The following KIF26B variants were observed in gnomAD, a reference collection of about 807,000 sequenced individuals.
KIF26B encodes kinesin family member 26B.
Under a neutral mutation model 151.2 loss-of-function variants are expected in KIF26B, and 63 were observed. That is an observed-to-expected ratio of 0.42 (90% CI 0.34 to 0.51). KIF26B has a LOEUF of 0.51. Among genes scored for constraint, KIF26B ranks in the 20% least tolerant of loss-of-function variants. The probability of loss-of-function intolerance (pLI) is 0.07; values close to 1 mark genes in which losing one functional copy is unlikely to be tolerated. For missense variants in KIF26B, 2,813 were observed against 2,913.6 expected, an observed-to-expected ratio of 0.97 and a Z score of 0.79; for synonymous variants, 1,357 against 1,262.1, an observed-to-expected ratio of 1.08 and a Z score of -1.59.
At chr1:245,428,227 G>C (rs1658694334) in intron 4 of KIF26B, among the ~76,000 whole-genome samples, 1 of 152,108 alleles carries the variant, frequency 6.6e-6, no homozygotes, top group African/African-American at 2.4e-5. Flanking sequence ...TTGATTTCTT[G>C]GAAAAGAAGG....
chr1:245,611,747 A>G (rs2043523743), intron 8 of KIF26B, 46 bp from the exon 9 acceptor site: 7 of 1,580,440 alleles, frequency 4.4e-6, no homozygotes, highest in African/African-American at 1.3e-5. Flanking sequence ...AGTGACAGCA[A>G]GCCCTCCTCA....
chr1:245,553,153 C>T (rs940697715), intron 5 of KIF26B, among the ~76,000 whole-genome samples: 1 of 152,240 alleles, frequency 6.6e-6, no homozygotes, highest in African/African-American at 2.4e-5. Flanking sequence ...ATCCTCATGA[C>T]ACCCCTGTGG....
chr1:245,401,100 A>T (rs1217046938), intron 3 of KIF26B, among the ~76,000 whole-genome samples: 1 of 152,214 alleles, frequency 6.6e-6, no homozygotes, highest in Non-Finnish European at 1.5e-5. Context: ...TAATTTTAAA[A>T]ATTCTAAGAA....
chr1:245,414,552 C>G (rs921466249), intron 3 of KIF26B, among the ~76,000 whole-genome samples: 2 of 152,184 alleles, frequency 1.3e-5, no homozygotes, highest in East Asian at 3.9e-4. Context: ...TTCAGCTCCT[C>G]CTCCTCCCCA....
At chr1:245,637,709 T>C (rs2043850412) in intron 9 of KIF26B, among the ~76,000 whole-genome samples, 1 of 152,100 alleles carries the variant, frequency 6.6e-6, no homozygotes, top group Admixed American at 6.6e-5. Context: ...AGTTTCATTC[T>C]TCTGCATATG....
At chr1:245,620,235 C>T (rs80162100) in intron 9 of KIF26B, among the ~76,000 whole-genome samples, 2,008 of 152,198 alleles carry the variant, frequency 0.013, 53 homozygotes, top group African/African-American at 0.046. Context: ...TTGACTTCCA[C>T]GAACCACATT....
At chr1:245,321,630 C>T (rs1229364702) in intron 2 of KIF26B, among the ~76,000 whole-genome samples, 1 of 152,100 alleles carries the variant, frequency 6.6e-6, no homozygotes, top group African/African-American at 2.4e-5. Context: ...TGGAGAACAC[C>T]GAAGCTTCGA....
intron 12 of KIF26B, among the ~76,000 whole-genome samples, chr1:245,691,370 A>T (rs1316523234): frequency 6.6e-6 from 1 of 152,178 alleles, no homozygotes; most frequent in East Asian, 1.9e-4. Context: ...GTGTAAAATT[A>T]AAATGCCAGG....
chr1:245,512,326 C>T lies in KIF26B; in HGVS notation c.1167-28441C>T, dbSNP rs1171693652. Reference sequence around the variant, plus strand: ...TCCTTCTCTCTGAGTCTTGGAACATCATGAAAGACTCTTCTGCAGATTTCC... The same window carrying T: ...TCCTTCTCTCTGAGTCTTGGAACATTATGAAAGACTCTTCTGCAGATTTCC... On this transcript the variant is annotated intron_variant, in intron 4 of 14. Coordinates refer to ENST00000407071, the MANE Select transcript of KIF26B (RefSeq NM_018012.4). This position sits in a 1 kb window ranked among gnomAD's most constrained non-coding sequence, Gnocchi z 4.3. Among the ~76,000 whole-genome samples, 1 of 152,190 alleles carries T rather than the reference C, an allele frequency of 6.6e-6. No homozygotes were observed. The highest frequency in any genetic ancestry group is 1.5e-5 in the Non-Finnish European group (1 of 68,036).
chr1:245,448,703 T>C (rs1026122024), intron 4 of KIF26B, among the ~76,000 whole-genome samples: 5 of 152,244 alleles, frequency 3.3e-5, no homozygotes, highest in African/African-American at 1.2e-4. Context: ...TCTTAACTCC[T>C]CTCAGTTTGG....
rs1375893033 is a variant in KIF26B, at chr1:245,602,110, A to G, written c.1351-467A>G. Among the ~76,000 whole-genome samples, 4 of 148,080 alleles carry G rather than the reference A, an allele frequency of 2.7e-5. No individual in the cohort carries two copies. Among genetic ancestry groups the G allele is most frequent in the African/African-American group, 1.0e-4 (4 of 40,062 alleles). On this transcript the variant is annotated intron_variant, in intron 5 of 14. Coordinates refer to ENST00000407071, the MANE Select transcript of KIF26B (RefSeq NM_018012.4). The surrounding 1 kb of genome is among the most constrained non-coding windows in gnomAD (Gnocchi z 4.5). ...CATTTCACGGTTCTTTAATGATGAC[A>G]CTAATAACTGTGGATTTTTGTCTCC...
chr1:245,390,948 AAAAAC>A (rs56220016), intron 3 of KIF26B, among the ~76,000 whole-genome samples: 6,212 of 126,846 alleles, frequency 0.049, 755 homozygotes, highest in Non-Finnish European at 0.075. Context: ...AAAAAAAAAA[AAAAAC>A]CACCATAAAA....
At chr1:245,195,627 C>T (rs767532694) in intron 2 of KIF26B, among the ~76,000 whole-genome samples, 13 of 152,294 alleles carry the variant, frequency 8.5e-5, no homozygotes, top group South Asian at 2.1e-4. Flanking sequence ...CCTGGGGCTC[C>T]GCTTCAGGGC....
intron 3 of KIF26B, among the ~76,000 whole-genome samples, chr1:245,404,520 T>C (rs1366886055): frequency 6.6e-6 from 1 of 152,162 alleles, no homozygotes; most frequent in Non-Finnish European, 1.5e-5. Context: ...GTATTGACTT[T>C]GCCTGACCCA....
At chr1:245,246,550 A>G (rs1242395263) in intron 2 of KIF26B, among the ~76,000 whole-genome samples, 1 of 152,152 alleles carries the variant, frequency 6.6e-6, no homozygotes, top group Non-Finnish European at 1.5e-5. Flanking sequence ...CAAATCAGCA[A>G]TGAAAGCGTT....
At chr1:245,662,853 G>A (rs974695931) in intron 10 of KIF26B, among the ~76,000 whole-genome samples, 1 of 150,304 alleles carries the variant, frequency 6.7e-6, no homozygotes, top group Non-Finnish European at 1.5e-5. Context: ...TGGCTTCAAG[G>A]ATTATTCCAA....
chr1:245,624,077 G>A (rs1388214145), intron 9 of KIF26B, among the ~76,000 whole-genome samples: 7 of 152,004 alleles, frequency 4.6e-5, no homozygotes, highest in African/African-American at 1.5e-4. Flanking sequence ...CTGCTCACTC[G>A]CTCTCTCTCC....
chr1:245,403,617 C>T (rs577496777), intron 3 of KIF26B, among the ~76,000 whole-genome samples: 7 of 87,016 alleles, frequency 8.0e-5, no homozygotes, highest in Non-Finnish European at 1.3e-4. Flanking sequence ...GTCTGCATGC[C>T]TGTGTGTGTC....
At position 245,367,967 on chromosome 1, in the gene KIF26B, C is replaced by T. The variant is rs895371899; in HGVS notation, c.999+600C>T. Among the ~76,000 whole-genome samples, 2 of 152,128 alleles carry T rather than the reference C, an allele frequency of 1.3e-5. No individual in the cohort carries two copies. The highest frequency in any genetic ancestry group is 4.8e-5 in the African/African-American group (2 of 41,434). On this transcript the variant is annotated intron_variant, in intron 3 of 14. Transcript: ENST00000407071. The surrounding 1 kb of genome is among the most constrained non-coding windows in gnomAD (Gnocchi z 4.2). ...GTGAGATGAGTGAGATGCTTTTGAA[C>T]CAAAGGATATTGTGAGTCCCAGGAA...
Sources: allele counts gnomAD v4.1 joint callset (sites outside exome capture counted in the v4.1 genomes callset), GRCh38; gene constraint gnomAD v4.1.1; non-coding constraint Gnocchi (gnomAD v3.1); transcripts MANE v1.5; gene names NCBI Gene and HGNC (gene_info 2026-07-23, HGNC 2026-07-21).